Variants in KCNK5 observed in about 807,000 individuals in gnomAD.
The protein encoded by KCNK5 is potassium channel subfamily K member 5.
In KCNK5, 18 loss-of-function variants were observed where a neutral mutation model predicts 32.9. The ratio of observed to expected loss-of-function variants is 0.55; its 90% CI spans 0.38 to 0.81. KCNK5 has a LOEUF of 0.81. Ranked by LOEUF, KCNK5 falls within the 30% of genes least tolerant of loss-of-function variation. The probability of loss-of-function intolerance (pLI) is 0.00; values close to 1 mark genes in which losing one functional copy is unlikely to be tolerated. For synonymous variants in KCNK5, 276 were observed against 275.3 expected, an observed-to-expected ratio of 1.00 and a Z score of -0.03; for missense variants, 507 against 651.0, an observed-to-expected ratio of 0.78 and a Z score of 2.41.
intron 4 of KCNK5, among the ~76,000 whole-genome samples, chr6:39,192,950 G>C (rs1583703673): frequency 6.6e-6 from 1 of 152,100 alleles, no homozygotes; most frequent in Admixed American, 6.5e-5. Flanking sequence ...TCCCACGACC[G>C]GGCTCAGATA....
At chr6:39,202,884 C>T (rs192141765) in intron 1 of KCNK5, among the ~76,000 whole-genome samples, 1 of 152,274 alleles carries the variant, frequency 6.6e-6, no homozygotes, top group Admixed American at 6.5e-5. Context: ...TGGCTGGCAG[C>T]AAGCCTCTGG....
chr6:39,208,669 G>A lies in KCNK5; in HGVS notation c.187-12682C>T, dbSNP rs541693045. Among the ~76,000 whole-genome samples the A allele has an allele frequency of 5.3e-5, 8 of 152,322 alleles. No individual in the cohort carries two copies. In the South Asian group the frequency reaches 1.7e-3, roughly 32 times the overall value. ...CTTGGGATGGATGGCATTCTGTGCAGGGGGGGAGGGGGCTTTCTGCCATGA... is the reference window on the plus strand; with the variant it reads ...CTTGGGATGGATGGCATTCTGTGCAAGGGGGGAGGGGGCTTTCTGCCATGA... On this transcript the variant is annotated intron_variant, in intron 1 of 4. Coordinates refer to ENST00000359534, the MANE Select transcript of KCNK5 (RefSeq NM_003740.4).
Position 39,224,786 on chromosome 6 carries a change from A to G in KCNK5, c.186+4140T>C, listed in dbSNP as rs1289762498. On this transcript the variant is annotated intron_variant, in intron 1 of 4. Coordinates refer to ENST00000359534, the MANE Select transcript of KCNK5 (RefSeq NM_003740.4). ...CCTCAGGAGACAAGGGACTCTCTAG[A>G]GCCACAGCAAGAAACCTGCAGTCTG... 2.0e-5 allele frequency among the ~76,000 whole-genome samples: 3 copies of G among 152,172 alleles called. No individual in the cohort carries two copies. In the East Asian group the frequency reaches 5.8e-4, roughly 29 times the overall value.
chr6:39,191,899 C>A lies in KCNK5; in HGVS notation c.635-144G>T, dbSNP rs1468146160. On this transcript the variant is annotated intron_variant, in intron 4 of 4. Coordinates refer to ENST00000359534, the MANE Select transcript of KCNK5 (RefSeq NM_003740.4). This position sits in a 1 kb window ranked among gnomAD's most constrained non-coding sequence, Gnocchi z 5.8. ...GGGATAGAAAGGGGCCTGTTCTAGA[C>A]CCTGGACTATCCCATCTTCCTCAAG... 6.1e-6 allele frequency: 5 copies of A among 817,448 alleles called. No homozygotes were observed. Among genetic ancestry groups the A allele is most frequent in the South Asian group, 5.4e-5 (3 of 55,774 alleles). The allele number at this position is 817,448 out of a possible 1,614,324, so 50.6% of individuals were successfully genotyped here.
chr6:39,224,279 A>G (rs899251144), intron 1 of KCNK5, among the ~76,000 whole-genome samples: 5 of 152,118 alleles, frequency 3.3e-5, no homozygotes, highest in Non-Finnish European at 5.9e-5. Context: ...TAACCAAAAG[A>G]GCTATTGTGT....
intron 1 of KCNK5, among the ~76,000 whole-genome samples, chr6:39,199,859 G>A (rs867734856): frequency 2.0e-5 from 3 of 152,312 alleles, no homozygotes; most frequent in Middle Eastern, 3.4e-3. Flanking sequence ...TTACCTAACT[G>A]GCTCTTCCTG....
rs773970421 is a variant in KCNK5, at chr6:39,191,217, G to C, written c.1173C>G (p.Phe391Leu). 4.3e-6 allele frequency: 7 copies of C among 1,614,064 alleles called. No individual in the cohort carries two copies. The East Asian group carries it at 1.6e-4, about 36-fold the overall frequency. The change falls in exon 5 of 5, where the codon TTC becomes TTG. Residue 391 changes from phenylalanine (F) to leucine (L), a missense_variant. Coordinates refer to ENST00000359534, the MANE Select transcript of KCNK5 (RefSeq NM_003740.4). The surrounding 1 kb of genome is among the most constrained non-coding windows in gnomAD (Gnocchi z 5.8). The stretch of plus-strand genomic sequence containing the variant: ...CGCTGATGCGGTCCAGCTGGTTCAT[G>C]AACACCTCGGGGGCAGGGGAGCTGT... ...PEDSSPAPEV[F>L]MNQLDRISEE... is the part of the protein sequence containing the mutation.
At position 39,191,048 on chromosome 6, in the gene KCNK5, T is replaced by C; in HGVS notation, c.1342A>G (p.Ser448Gly). 1 of 1,611,398 alleles carries C rather than the reference T, an allele frequency of 6.2e-7. No individual in the cohort carries two copies. The highest frequency in any genetic ancestry group is 8.5e-7 in the Non-Finnish European group (1 of 1,178,692). Residue 448 changes from serine to glycine, a missense_variant, in exon 5 of 5, where the codon AGC (serine) becomes GGC (glycine). By Grantham distance (56) the Ser-to-Gly change is moderately conservative. This residue lies in a region of KCNK5 where 252 missense variants were observed against 250.8 expected (regional missense o/e 1.00). Coordinates refer to ENST00000359534, the MANE Select transcript of KCNK5 (RefSeq NM_003740.4). This position sits in a 1 kb window ranked among gnomAD's most constrained non-coding sequence, Gnocchi z 5.8. Reference protein sequence around the residue: ...SLEDNLAGEESPQQGAEAKAP... With the variant: ...SLEDNLAGEEGPQQGAEAKAP... ...TTGGCTTCAGCCCCCTGCTGGGGGC[T>C]CTCCTCCCCTGCCAAGTTGTCCTCT...
chr6:39,215,651 T>C (rs1771419676), intron 1 of KCNK5, among the ~76,000 whole-genome samples: 1 of 152,194 alleles, frequency 6.6e-6, no homozygotes, highest in Non-Finnish European at 1.5e-5. Flanking sequence ...ACTAAAGCGA[T>C]ACCCTCCCAA....
At position 39,217,773 on chromosome 6, in the gene KCNK5, C is replaced by T. The variant is rs142485765; in HGVS notation, c.186+11153G>A. Among the ~76,000 whole-genome samples, 856 of 152,312 alleles carry T rather than the reference C, an allele frequency of 5.6e-3. 7 individuals carry two copies. Among genetic ancestry groups the T allele is most frequent in the Middle Eastern group, 0.024 (7 of 294 alleles). On this transcript the variant is annotated intron_variant, in intron 1 of 4. Coordinates refer to ENST00000359534, the MANE Select transcript of KCNK5 (RefSeq NM_003740.4). ...CAGCCAACAGCTCCTTGGGCGCAGA[C>T]GCAGGAGGAGCAAAGTCCAGGGCTG...
Position 39,229,340 on chromosome 6 carries a change from C to T in KCNK5, c.-229G>A. 1.7e-6 allele frequency: 1 copy of T among 576,150 alleles called. No homozygotes were observed. The highest frequency in any genetic ancestry group is 3.1e-6 in the Non-Finnish European group (1 of 324,486). The allele number at this position is 576,150 out of a possible 1,614,324, so 35.7% of individuals were successfully genotyped here. A position where few individuals can be genotyped will look rare whatever the true frequency, so the allele number is the denominator to read the frequency against. On this transcript the variant is annotated 5_prime_UTR_variant, in exon 1 of 5. Transcript: ENST00000359534. ...CCCCACTCACGCGGCCCGGGGTGGGCGAACACCAGCGGGGCTGAAAGGGCG... is the reference window on the plus strand; with the variant it reads ...CCCCACTCACGCGGCCCGGGGTGGGTGAACACCAGCGGGGCTGAAAGGGCG...
chr6:39,218,341 T>C (rs981822355), intron 1 of KCNK5, among the ~76,000 whole-genome samples: 4 of 152,152 alleles, frequency 2.6e-5, no homozygotes, highest in African/African-American at 9.7e-5. Flanking sequence ...AGTGGTGGGA[T>C]TATAAGCATG....
intron 2 of KCNK5, among the ~76,000 whole-genome samples, chr6:39,195,278 C>T (rs1184015465): frequency 6.6e-6 from 1 of 152,224 alleles, no homozygotes; most frequent in Non-Finnish European, 1.5e-5. Context: ...CCTTGGTTCC[C>T]AAACACATGC....
Position 39,229,471 on chromosome 6 carries a change from T to G in KCNK5, c.-360A>C. On this transcript the variant is annotated 5_prime_UTR_variant, in exon 1 of 5. Coordinates refer to ENST00000359534, the MANE Select transcript of KCNK5 (RefSeq NM_003740.4). ...TCGCTCCTCCGCGCGCCACTAGCAG[T>G]ATGCGCCGCGCCCGCCTCCGCACGC... The G allele has an allele frequency of 4.4e-6, 1 of 225,500 alleles. No homozygotes were observed. Among genetic ancestry groups the G allele is most frequent in the Non-Finnish European group, 8.8e-6 (1 of 113,302 alleles). 14.0% of individuals were successfully genotyped at this position (225,500 alleles called of 1,614,324 possible). A position where few individuals can be genotyped will look rare whatever the true frequency, so the allele number is the denominator to read the frequency against.
Position 39,191,202 on chromosome 6 carries a change from G to A in KCNK5, c.1188C>T (p.Asp396=), listed in dbSNP as rs1230135099. ...ATGGCTCGCATTCCTCGCTGATGCG[G>A]TCCAGCTGGTTCATGAACACCTCGG... is the stretch of plus-strand genomic sequence containing the variant. The part of the protein sequence containing the change: ...PAPEVFMNQL[D]RISEECEPWD... The change falls in exon 5 of 5, where the codon GAC becomes GAT. Residue 396 remains aspartate, a synonymous_variant. Transcript: ENST00000359534. The surrounding 1 kb of genome is among the most constrained non-coding windows in gnomAD (Gnocchi z 5.8). The A allele has an allele frequency of 1.2e-6, 2 of 1,614,232 alleles. No individual in the cohort carries two copies. The highest frequency in any genetic ancestry group is 1.6e-4 in the Middle Eastern group (1 of 6,062).
At chr6:39,193,600 T>C (rs751460181) in intron 4 of KCNK5, among the ~76,000 whole-genome samples, 3 of 152,164 alleles carry the variant, frequency 2.0e-5, no homozygotes, top group Non-Finnish European at 4.4e-5. Flanking sequence ...CCAAAGAACC[T>C]CATCACTTCC....
At chr6:39,225,715 T>C (rs1279210623) in intron 1 of KCNK5, among the ~76,000 whole-genome samples, 2 of 152,230 alleles carry the variant, frequency 1.3e-5, no homozygotes, top group South Asian at 2.1e-4. Flanking sequence ...AGGGTCCAGC[T>C]GAACCAATTT....
intron 1 of KCNK5, among the ~76,000 whole-genome samples, chr6:39,215,163 T>G (rs950887529): frequency 6.6e-6 from 1 of 152,142 alleles, no homozygotes; most frequent in East Asian, 1.9e-4. Flanking sequence ...GGCTAGAGTC[T>G]GGAAGATGGG....
rs1370862947 is a variant in KCNK5, at chr6:39,191,375, G to A, written c.1015C>T (p.Pro339Ser). 1.2e-6 allele frequency: 2 copies of A among 1,613,500 alleles called. No homozygotes were observed. Among genetic ancestry groups the A allele is most frequent in the Non-Finnish European group, 1.7e-6 (2 of 1,180,028 alleles). Reference sequence around the variant, plus strand: ...TAGACTACCAGGGGCACCAGGGAAGGGGGCAGTGCTGGGAGCCCACCGCCT... The same window carrying A: ...TAGACTACCAGGGGCACCAGGGAAGAGGGCAGTGCTGGGAGCCCACCGCCT... ...PQGGGLPALPPSLVPLVVYSK... is the reference protein window; with the variant it reads ...PQGGGLPALPSSLVPLVVYSK... The change falls in exon 5 of 5, where the codon CCT becomes TCT. Residue 339 changes from proline (P) to serine (S), a missense_variant. By Grantham distance (74) the Pro-to-Ser change is moderately conservative. Around this residue, in one of 6 missense-constraint regions of KCNK5, gnomAD observed 252 missense variants for 250.8 expected, o/e 1.00. Coordinates refer to ENST00000359534, the MANE Select transcript of KCNK5 (RefSeq NM_003740.4). The surrounding 1 kb of genome is among the most constrained non-coding windows in gnomAD (Gnocchi z 5.8).
Sources: allele counts gnomAD v4.1 joint callset (sites outside exome capture counted in the v4.1 genomes callset), GRCh38; gene constraint gnomAD v4.1.1; regional missense constraint gnomAD v4.1.1; non-coding constraint Gnocchi (gnomAD v3.1); transcripts MANE v1.5; gene names NCBI Gene and HGNC (gene_info 2026-07-23, HGNC 2026-07-21).